Variants in SI observed in about 807,000 individuals in gnomAD.
SI encodes sucrase-isomaltase, also known as sucrase-isomaltase, intestinal.
Under a neutral mutation model 253.3 loss-of-function variants are expected in SI, and 235 were observed. The ratio of observed to expected loss-of-function variants is 0.93; its 90% CI spans 0.83 to 1.03. The LOEUF is 1.03. Among genes scored for constraint, SI ranks in the 50% least tolerant of loss-of-function variants. The pLI is 0.00. For synonymous variants in SI, 819 were observed against 712.0 expected, an observed-to-expected ratio of 1.15 and a Z score of -2.39; for missense variants, 2,442 against 2,211.1, an observed-to-expected ratio of 1.10 and a Z score of -2.09.
At chr3:165,087,970 T>G in the SI span, among the ~76,000 whole-genome samples, 1 of 152,182 alleles carries the variant, frequency 6.6e-6, no homozygotes, top group Admixed American at 6.6e-5. Context: ...CTTATTTATG[T>G]ATATATGTAG....
chr3:164,994,133 G>A lies in SI; in HGVS notation c.4841+124C>T, dbSNP rs7649156. On this transcript the variant is annotated intron_variant, in intron 41 of 47. Coordinates refer to ENST00000264382, the MANE Select transcript of SI (RefSeq NM_001041.4). ...TAAATGCTTTATTAATAAAAAATGT[G>A]TGCTAATATAACAATGGAAAAACTG... 0.015 allele frequency: 11,527 copies of A among 776,982 alleles called. 965 individuals are homozygous for A. In the African/African-American group the frequency reaches 0.18, roughly 12 times the overall value. 48.1% of individuals were successfully genotyped at this position (776,982 alleles called of 1,614,324 possible).
rs1035312229 is a variant in SI at position 165,074,520 on chromosome 3, T to C, written c.255+11A>G. On this transcript the variant is annotated intron_variant, in intron 3 of 47. Transcript: ENST00000264382. ...TATTCATTAAAAATATTAAAGACTT[T>C]TGCTGCAGACCTCTGTTGGGAATTG... 5.1e-6 allele frequency: 8 copies of C among 1,582,342 alleles called. No individual in the cohort carries two copies. The African/African-American group carries it at 1.1e-4, about 21-fold the overall frequency.
At chr3:164,989,396 GA>G (rs1402579578) in intron 44 of SI, among the ~76,000 whole-genome samples, 4 of 132,572 alleles carry the variant, frequency 3.0e-5, no homozygotes, top group African/African-American at 5.5e-5. Context: ...AAGGAAGAAA[GA>G]AAGAAAGAAA....
At chr3:164,988,283 A>G (rs2108118968) in intron 44 of SI, among the ~76,000 whole-genome samples, 1 of 152,342 alleles carries the variant, frequency 6.6e-6, no homozygotes, top group African/African-American at 2.4e-5. Context: ...GATATTTTCC[A>G]GTGAAATATA....
chr3:165,014,538 C>T (rs899570319), intron 33 of SI, among the ~76,000 whole-genome samples: 10 of 152,096 alleles, frequency 6.6e-5, no homozygotes, highest in Non-Finnish European at 1.5e-4. Context: ...CGTGAGCCAC[C>T]ACGCCTGGCC....
At position 165,065,353 on chromosome 3, in the gene SI, A is replaced by G. The variant is rs756714861; in HGVS notation, c.715T>C (p.Tyr239His). Residue 239 changes from tyrosine (Y) to histidine (H), a missense_variant, in exon 7 of 48, where the codon TAT becomes CAT. Coordinates refer to ENST00000264382, the MANE Select transcript of SI (RefSeq NM_001041.4). ...ISTRLPSDYIYGIGEQVHKRF... is the reference protein window; with the variant it reads ...ISTRLPSDYIHGIGEQVHKRF... ...TTATGAACTTGTTCTCCAATACCAT[A>G]AATATAATCACTTGGAAGACGGGTT... 3 of 1,595,566 alleles carry G rather than the reference A, an allele frequency of 1.9e-6. No homozygotes were observed. Among genetic ancestry groups the G allele is most frequent in the Non-Finnish European group, 2.6e-6 (3 of 1,164,832 alleles).
intron 22 of SI, among the ~76,000 whole-genome samples, chr3:165,036,166 C>A (rs1056760233): frequency 6.6e-6 from 1 of 151,506 alleles, no homozygotes; most frequent in Non-Finnish European, 1.5e-5. Context: ...CAAAGACTTA[C>A]AACAAACAAA....
chr3:165,046,516 A>C (rs1357207267), intron 16 of SI, among the ~76,000 whole-genome samples: 1 of 151,878 alleles, frequency 6.6e-6, no homozygotes, highest in Admixed American at 6.6e-5. Flanking sequence ...TATTTTTATA[A>C]CCAATGTATT....
At chr3:165,031,125 A>T (rs1182877895) in intron 24 of SI, among the ~76,000 whole-genome samples, 1 of 149,468 alleles carries the variant, frequency 6.7e-6, no homozygotes, top group Non-Finnish European at 1.5e-5. Flanking sequence ...CACACATAGA[A>T]TTATGTCTAT....
intron 37 of SI, among the ~76,000 whole-genome samples, chr3:165,004,631 T>C (rs1272575273): frequency 6.6e-6 from 1 of 152,138 alleles, no homozygotes; most frequent in Admixed American, 6.6e-5. Context: ...TAAAATCCTG[T>C]CATTTGCAAC....
At position 165,059,886 on chromosome 3, in the gene SI, C is replaced by A. The variant is rs2108249940; in HGVS notation, c.1146+16G>T. On this transcript the variant is annotated intron_variant, in intron 10 of 47. Transcript: ENST00000264382. ...TAACTTGATATATATTCCCACGGAC[C>A]CTTTATTCTACTTACAAATGGTATG... is the stretch of plus-strand genomic sequence containing the variant. 6.2e-7 allele frequency: 1 copy of A among 1,609,152 alleles called. No homozygotes were observed. The highest frequency in any genetic ancestry group is 1.1e-5 in the South Asian group (1 of 90,996).
upstream of SI, among the ~76,000 whole-genome samples, chr3:165,082,739 C>T (rs1457617401): frequency 6.6e-6 from 1 of 151,968 alleles, no homozygotes; most frequent in Admixed American, 6.6e-5. Context: ...GTTTTATATA[C>T]AGTAGAATAT....
intron 44 of SI, among the ~76,000 whole-genome samples, chr3:164,990,338 CTTG>C (rs1410400711): frequency 2.0e-5 from 3 of 151,848 alleles, no homozygotes; most frequent in African/African-American, 7.3e-5. Context: ...GGGTAAAAAT[CTTG>C]TTGAGGCAGC....
intron 38 of SI, among the ~76,000 whole-genome samples, chr3:164,997,373 G>A (rs952151180): frequency 3.3e-5 from 5 of 151,176 alleles, no homozygotes; most frequent in African/African-American, 1.2e-4. Flanking sequence ...TATTAAAATG[G>A]TAATGTCTTA....
At chr3:165,052,439 T>A (rs1713480062) in intron 13 of SI, among the ~76,000 whole-genome samples, 1 of 152,150 alleles carries the variant, frequency 6.6e-6, no homozygotes, top group African/African-American at 2.4e-5. Context: ...GTGGATCATT[T>A]GAGTCCAGGA....
At chr3:164,998,077 T>G (rs776874521) in intron 38 of SI, among the ~76,000 whole-genome samples, 1 of 151,994 alleles carries the variant, frequency 6.6e-6, no homozygotes, top group Non-Finnish European at 1.5e-5. Flanking sequence ...ATGGTCATTC[T>G]GTTTTTAGCT....
chr3:165,079,874 A>G (rs1158590947), upstream of SI, among the ~76,000 whole-genome samples: 2 of 151,866 alleles, frequency 1.3e-5, no homozygotes. Flanking sequence ...AAAGTTAAAG[A>G]TTTTAAAAAT....
Position 165,033,375 on chromosome 3 carries a change from T to C in SI, c.2565+20A>G, listed in dbSNP as rs544155794. On this transcript the variant is annotated intron_variant, in intron 23 of 47. Transcript: ENST00000264382. ...TGAACAAATTATGCATTTAAGTATA[T>C]GTACAAAGAGAGTGCTTACATTAGA... is the stretch of plus-strand genomic sequence containing the variant. The C allele has an allele frequency of 6.5e-7, 1 of 1,544,818 alleles. No homozygotes were observed. Among genetic ancestry groups the C allele is most frequent in the Non-Finnish European group, 8.8e-7 (1 of 1,141,902 alleles).
At position 165,063,426 on chromosome 3, in the gene SI, A is replaced by G. The variant is rs768145801; in HGVS notation, c.907+16T>C. The G allele has an allele frequency of 8.9e-7, 1 of 1,124,912 alleles. No individual in the cohort carries two copies. The highest frequency in any genetic ancestry group is 1.7e-5 in the Admixed American group (1 of 57,738). 69.7% of individuals were successfully genotyped at this position (1,124,912 alleles called of 1,614,324 possible). On this transcript the variant is annotated intron_variant, in intron 8 of 47. Transcript: ENST00000264382. ...AGTGAAATCTATAAATATATTATCA[A>G]ATGAATTATTCTTACCCATTGCATT...
Sources: gnomAD v4.1 joint callset for allele counts (sites outside exome capture counted in the v4.1 genomes callset) on GRCh38, gnomAD v4.1.1 for gene constraint, MANE v1.5 for transcripts, NCBI Gene and HGNC (gene_info 2026-07-23, HGNC 2026-07-21) for gene names.